Variants in GPHN observed in about 807,000 individuals in gnomAD.
GPHN encodes gephyrin.
A neutral mutation model predicts 95.5 loss-of-function variants in GPHN; 17 were observed. The observed-to-expected ratio is 0.18, with a 90% confidence interval of 0.12 to 0.27. GPHN has a LOEUF of 0.27. Ranked by LOEUF, GPHN falls within the 10% of genes least tolerant of loss-of-function variation. The probability of loss-of-function intolerance (pLI) is 1.00; values close to 1 mark genes in which losing one functional copy is unlikely to be tolerated. For missense variants in GPHN, 660 were observed against 978.1 expected, an observed-to-expected ratio of 0.67 and a Z score of 4.34; for synonymous variants, 320 against 322.5, an observed-to-expected ratio of 0.99 and a Z score of 0.08.
At position 67,144,264 on chromosome 14, in the gene GPHN, T is replaced by C. The variant is rs202091792; in HGVS notation, c.1836+815T>C. On this transcript the variant is annotated intron_variant, in intron 18 of 22. Coordinates refer to ENST00000478722, the MANE Select transcript of GPHN (RefSeq NM_020806.5). ...AAAAAAAAAAAAATATATATATATA[T>C]ATATATATATATATATATATATACA... 2.2e-4 allele frequency among the ~76,000 whole-genome samples: 18 copies of C among 83,096 alleles called. 4 individuals are homozygous for C. The highest frequency in any genetic ancestry group is 1.4e-3 in the African/African-American group (18 of 13,258). 54.5% of individuals were successfully genotyped at this position (83,096 alleles called of 152,430 possible).
At chr14:66,877,788 G>A (rs1282494680) in intron 4 of GPHN, among the ~76,000 whole-genome samples, 1 of 152,160 alleles carries the variant, frequency 6.6e-6, no homozygotes, top group East Asian at 1.9e-4. Context: ...TCAATATTGT[G>A]AAAATGGCCA....
intron 1 of GPHN, among the ~76,000 whole-genome samples, chr14:66,656,133 T>TA (rs2065294342): frequency 6.6e-6 from 1 of 152,158 alleles, no homozygotes. Context: ...ATTTGGATAT[T>TA]CCCTCCTTTG....
chr14:67,027,413 C>T (rs367893914), intron 10 of GPHN, among the ~76,000 whole-genome samples: 27 of 152,274 alleles, frequency 1.8e-4, no homozygotes, highest in African/African-American at 6.5e-4. Context: ...TCACTGCAAC[C>T]TCCACCTCCC....
At chr14:67,711,897 A>T in the GPHN span, among the ~76,000 whole-genome samples, 26 of 152,276 alleles carry the variant, frequency 1.7e-4, no homozygotes, top group South Asian at 5.4e-3. Flanking sequence ...GTATAAGGAG[A>T]CAAATTTTAT....
chr14:67,446,776 G>A, the GPHN span, among the ~76,000 whole-genome samples: 1 of 152,206 alleles, frequency 6.6e-6, no homozygotes, highest in Non-Finnish European at 1.5e-5. Context: ...ATTTAATAGG[G>A]AGAAATGAGG....
chr14:67,381,753 T>A, the GPHN span: 1 of 1,178,192 alleles, frequency 8.5e-7, no homozygotes, highest in Non-Finnish European at 1.2e-6. Flanking sequence ...GGATCTTTGA[T>A]CTTTGTTTCT....
intron 9 of GPHN, among the ~76,000 whole-genome samples, chr14:67,013,604 T>G (rs529489772): frequency 6.6e-6 from 1 of 152,182 alleles, no homozygotes; most frequent in South Asian, 2.1e-4. Flanking sequence ...ACACACTTTC[T>G]AAGCTCTTGC....
chr14:67,541,912 G>GAA, the GPHN span: 1 of 1,605,316 alleles, frequency 6.2e-7, no homozygotes, highest in African/African-American at 1.3e-5. Context: ...TAGACTGGCA[G>GAA]AAACGCTGCC....
the GPHN span, among the ~76,000 whole-genome samples, chr14:67,308,878 G>C: frequency 2.0e-5 from 3 of 151,852 alleles, no homozygotes; most frequent in Non-Finnish European, 1.5e-5. Context: ...CTTCTTGATT[G>C]GTTGAAAAAC....
chr14:67,159,927 G>T (rs756430827), intron 19 of GPHN, among the ~76,000 whole-genome samples: 3 of 151,860 alleles, frequency 2.0e-5, no homozygotes, highest in African/African-American at 4.8e-5. Flanking sequence ...ATGTCATTTT[G>T]GTATACATCT....
At chr14:67,148,775 C>T (rs981624256) in intron 18 of GPHN, among the ~76,000 whole-genome samples, 1 of 151,454 alleles carries the variant, frequency 6.6e-6, no homozygotes, top group Non-Finnish European at 1.5e-5. Flanking sequence ...ACCATGTTAG[C>T]CAGGATGGTC....
At position 66,578,831 on chromosome 14, in the gene GPHN, T is replaced by C. The variant is rs1274609298; in HGVS notation, c.64+70240T>C. Among the ~76,000 whole-genome samples the C allele has an allele frequency of 4.0e-5, 6 of 151,786 alleles. No individual in the cohort carries two copies. In the East Asian group the frequency reaches 1.2e-3, roughly 29 times the overall value. On this transcript the variant is annotated intron_variant, in intron 1 of 22. Transcript: ENST00000478722. Reference sequence around the variant, plus strand: ...TTATAAGAAATGCAAAAGGGAATTCTTTAAGCTGAAAGAAAAGGATGGTAA... The same window carrying C: ...TTATAAGAAATGCAAAAGGGAATTCCTTAAGCTGAAAGAAAAGGATGGTAA...
At chr14:67,718,137 G>A in the GPHN span, among the ~76,000 whole-genome samples, 5 of 152,182 alleles carry the variant, frequency 3.3e-5, no homozygotes, top group African/African-American at 1.2e-4. Context: ...CAGGGCATGG[G>A]AAGAGGCAGC....
At chr14:66,730,527 A>T (rs2071669550) in intron 2 of GPHN, among the ~76,000 whole-genome samples, 1 of 152,180 alleles carries the variant, frequency 6.6e-6, no homozygotes, top group Admixed American at 6.5e-5. Context: ...TGATATGTGG[A>T]TAGACAAAAA....
At chr14:66,867,580 A>G (rs985183914) in intron 4 of GPHN, among the ~76,000 whole-genome samples, 6 of 152,218 alleles carry the variant, frequency 3.9e-5, no homozygotes, top group Admixed American at 3.9e-4. Flanking sequence ...GAATACTTAT[A>G]GGAGCAGCCT....
chr14:67,121,773 TA>T (rs1168999260), intron 16 of GPHN, among the ~76,000 whole-genome samples: 2 of 152,166 alleles, frequency 1.3e-5, no homozygotes, highest in Non-Finnish European at 2.9e-5. Flanking sequence ...CACATAAGCT[TA>T]GCTTCTTTGA....
At chr14:66,949,176 C>T (rs999485792) in intron 8 of GPHN, among the ~76,000 whole-genome samples, 3 of 152,172 alleles carry the variant, frequency 2.0e-5, no homozygotes, top group African/African-American at 7.2e-5. Flanking sequence ...CTTTCACCTC[C>T]TGGGTTCAAG....
the GPHN span, chr14:67,722,333 T>G: frequency 2.1e-6 from 1 of 472,334 alleles, no homozygotes; most frequent in Non-Finnish European, 3.9e-6. Flanking sequence ...GGATGGGGGG[T>G]TTAGGGGGTA....
intron 17 of GPHN, among the ~76,000 whole-genome samples, chr14:67,126,121 T>A (rs2079299699): frequency 6.6e-6 from 1 of 152,186 alleles, no homozygotes; most frequent in South Asian, 2.1e-4. Flanking sequence ...AATCATTCAT[T>A]TGTAAACATT....
Sources: gnomAD v4.1 joint callset for allele counts (sites outside exome capture counted in the v4.1 genomes callset) on GRCh38, gnomAD v4.1.1 for gene constraint, MANE v1.5 for transcripts, NCBI Gene and HGNC (gene_info 2026-07-23, HGNC 2026-07-21) for gene names.